The following COG6 variants were observed in gnomAD, a reference collection of about 807,000 sequenced individuals.
COG6 encodes component of oligomeric golgi complex 6, also known as conserved oligomeric Golgi complex subunit 6.
Under a neutral mutation model 88.8 loss-of-function variants are expected in COG6, and 74 were observed. The ratio of observed to expected loss-of-function variants is 0.83; its 90% CI spans 0.69 to 1.01. The LOEUF is 1.01. COG6 is among the 50% of genes least tolerant of loss of function. The pLI, the probability that COG6 is intolerant of heterozygous loss-of-function variation, is 0.00. For synonymous variants in COG6, 286 were observed against 278.7 expected, an observed-to-expected ratio of 1.03 and a Z score of -0.26; for missense variants, 800 against 797.9, an observed-to-expected ratio of 1.00 and a Z score of -0.03.
In COG6 at chr13:39,752,122, G is replaced by A; in HGVS notation, c.*1029G>A. The A allele has an allele frequency of 7.9e-7, 1 of 1,259,274 alleles. No individual in the cohort carries two copies. The highest frequency in any genetic ancestry group is 1.3e-5 in the South Asian group (1 of 76,030). 78.0% of individuals were successfully genotyped at this position (1,259,274 alleles called of 1,614,324 possible). ...TATTTTTAAAGGAATAAATCCCAGTGTGCCTGATTTGACATTCTTGTCAGC... is the reference window on the plus strand; with the variant it reads ...TATTTTTAAAGGAATAAATCCCAGTATGCCTGATTTGACATTCTTGTCAGC... On this transcript the variant is annotated 3_prime_UTR_variant, in exon 19 of 19. Transcript: ENST00000455146.
intron 13 of COG6, among the ~76,000 whole-genome samples, chr13:39,718,261 T>C (rs569356961): frequency 7.9e-4 from 120 of 152,258 alleles, no homozygotes; most frequent in African/African-American, 2.7e-3. Flanking sequence ...ATGTCACTTA[T>C]GTATTAACTT....
intron 3 of COG6, chr13:39,663,892 A>AG (rs1397920994): frequency 2.0e-5 from 3 of 148,002 alleles, no homozygotes; most frequent in African/African-American, 7.4e-5. Context: ...TGCCTCTTTA[A>AG]AAAAAAAAAA....
rs549842874 is a variant in COG6, at chr13:39,677,731, A to G, written c.540+152A>G. On this transcript the variant is annotated intron_variant, in intron 5 of 18. Coordinates refer to ENST00000455146, the MANE Select transcript of COG6 (RefSeq NM_020751.3). Reference sequence around the variant, plus strand: ...AATTTAAGATGTGTATTTTAATTATATTTTTCAAAGTAATACATGTACTTT... The same window carrying G: ...AATTTAAGATGTGTATTTTAATTATGTTTTTCAAAGTAATACATGTACTTT... The G allele has an allele frequency of 1.3e-4, 76 of 567,800 alleles. No individual in the cohort carries two copies. In the South Asian group the frequency reaches 1.5e-3, roughly 12 times the overall value. The allele number at this position is 567,800 out of a possible 1,614,324, so 35.2% of individuals were successfully genotyped here.
Position 39,752,573 on chromosome 13 carries a change from A to C in COG6, c.*1480A>C, listed in dbSNP as rs1188969191. ...CTATGAGTGAATTCCTTTGTTTTAT[A>C]GGGAAAATTTATTGTGCTTTTTACC... On this transcript the variant is annotated 3_prime_UTR_variant, in exon 19 of 19. Transcript: ENST00000455146. The C allele has an allele frequency of 7.9e-7, 1 of 1,259,288 alleles. No homozygotes were observed. The highest frequency in any genetic ancestry group is 1.0e-6 in the Non-Finnish European group (1 of 968,442). The allele number at this position is 1,259,288 out of a possible 1,614,324, so 78.0% of individuals were successfully genotyped here.
Position 39,682,072 on chromosome 13 carries a change from T to C in COG6, c.695-99T>C, listed in dbSNP as rs944410456. ...AGGTTTTTCTGAGGATTTTTTTTTA[T>C]GGGGTGTTTGCCATAGAATTTAGAC... On this transcript the variant is annotated intron_variant, in intron 7 of 18. Transcript: ENST00000455146. 3.8e-6 allele frequency: 3 copies of C among 793,188 alleles called. No homozygotes were observed. The African/African-American group carries it at 5.2e-5, about 14-fold the overall frequency. 49.1% of individuals were successfully genotyped at this position (793,188 alleles called of 1,614,324 possible).
intron 1 of COG6, chr13:39,656,905 A>G (rs1364874322): frequency 1.8e-5 from 8 of 455,884 alleles, no homozygotes; most frequent in Non-Finnish European, 3.1e-5. Context: ...AGTCCTTTGC[A>G]AAGAGCCTGG....
chr13:39,676,962 T>G (rs1332995227), intron 4 of COG6, among the ~76,000 whole-genome samples: 1 of 152,168 alleles, frequency 6.6e-6, no homozygotes, highest in African/African-American at 2.4e-5. Context: ...AGTGGATAAG[T>G]GACTAGCAAT....
At chr13:39,765,501 A>G (rs576429271) in intron 18 of COG6, among the ~76,000 whole-genome samples, 2 of 152,304 alleles carry the variant, frequency 1.3e-5, no homozygotes, top group Non-Finnish European at 2.9e-5. Context: ...TATTTCACTC[A>G]CTGAAATGAC....
intron 18 of COG6, among the ~76,000 whole-genome samples, chr13:39,762,118 T>C (rs1881034210): frequency 6.6e-6 from 1 of 151,970 alleles, no homozygotes; most frequent in African/African-American, 2.4e-5. Flanking sequence ...TCAACTTGTG[T>C]CCTTTAACAG....
At chr13:39,655,971 C>G in intron 1 of COG6, 92 bp downstream of exon 1, 1 of 1,468,538 alleles carries the variant, frequency 6.8e-7, no homozygotes. Flanking sequence ...CGCGGTCTCC[C>G]TCGTCCCGGC....
rs188328396 is a variant in COG6 at position 39,655,686 on chromosome 13, G to C, written c.-41G>C. The C allele has an allele frequency of 2.6e-5, 40 of 1,554,794 alleles. 1 individual carries two copies. The highest frequency in any genetic ancestry group is 1.6e-4 in the South Asian group (14 of 85,044). On this transcript the variant is annotated 5_prime_UTR_variant, in exon 1 of 19. Coordinates refer to ENST00000455146, the MANE Select transcript of COG6 (RefSeq NM_020751.3). ...TACTCGCGCTGCCTCCGTGGTCCCT[G>C]CCTGGCTGAGGTGGCAGCAGGGGGC...
In COG6 at chr13:39,699,584, G is replaced by C. The variant is rs780218478; in HGVS notation, c.1250G>C (p.Ser417Thr). 4 of 1,556,964 alleles carry C rather than the reference G, an allele frequency of 2.6e-6. No homozygotes were observed. In the South Asian group the frequency reaches 3.3e-5, roughly 13 times the overall value. Reference protein sequence around the residue: ...HLLSKKIFFNSLSLHASKLMD... With the variant: ...HLLSKKIFFNTLSLHASKLMD... The stretch of plus-strand genomic sequence containing the variant: ...CTAAGCAAAAAAATATTCTTCAATA[G>C]CTTGAGTCTTCATGCAAGTAAATTA... The change falls in exon 13 of 19, where the codon AGC becomes ACC. Residue 417 changes from serine to threonine, a missense_variant. Ser to Thr is a moderately conservative substitution (Grantham distance 58). Transcript: ENST00000455146.
intron 18 of COG6, among the ~76,000 whole-genome samples, chr13:39,779,014 AG>A (rs1881550270): frequency 1.3e-5 from 2 of 152,230 alleles, no homozygotes; most frequent in South Asian, 4.1e-4. Context: ...GTTCAAATCA[AG>A]GGAGAAGGAA....
chr13:39,713,040 A>T (rs903569705), intron 13 of COG6, among the ~76,000 whole-genome samples: 1 of 152,228 alleles, frequency 6.6e-6, no homozygotes, highest in African/African-American at 2.4e-5. Context: ...TAAGATTTCT[A>T]TGAATAGCTC....
chr13:39,783,994 T>A (rs1881703739), intron 18 of COG6, among the ~76,000 whole-genome samples: 1 of 152,068 alleles, frequency 6.6e-6, no homozygotes, highest in Non-Finnish European at 1.5e-5. Flanking sequence ...GCATGGATTC[T>A]GGGGGGAGAA....
intron 18 of COG6, among the ~76,000 whole-genome samples, chr13:39,762,776 T>TG (rs2138166173): frequency 6.6e-6 from 1 of 151,562 alleles, no homozygotes; most frequent in East Asian, 1.9e-4. Context: ...TTTTTTTTTT[T>TG]TCTTTGAAGC....
chr13:39,696,639 CAGAA>C (rs1177859457), intron 12 of COG6, among the ~76,000 whole-genome samples: 2 of 151,428 alleles, frequency 1.3e-5, no homozygotes, highest in African/African-American at 4.8e-5. Context: ...GAGATGAAAT[CAGAA>C]AGGTAGAGAG....
intron 18 of COG6, among the ~76,000 whole-genome samples, chr13:39,747,738 A>G (rs954385271): frequency 6.6e-6 from 1 of 152,188 alleles, no homozygotes. Context: ...ATTGTTAGTT[A>G]CAGACATTCG....
intron 18 of COG6, among the ~76,000 whole-genome samples, chr13:39,770,289 C>G (rs1881283366): frequency 6.6e-6 from 1 of 152,198 alleles, no homozygotes. Context: ...GACTCCCTCA[C>G]ATTGACGGAG....
Sources: gnomAD v4.1 joint callset for allele counts (sites outside exome capture counted in the v4.1 genomes callset) on GRCh38, gnomAD v4.1.1 for gene constraint, MANE v1.5 for transcripts, NCBI Gene and HGNC (gene_info 2026-07-23, HGNC 2026-07-21) for gene names.